AKAP17A: variants seen among roughly 807,000 people sequenced by gnomAD.
The protein encoded by AKAP17A is A-kinase anchoring protein 17A.
A neutral mutation model predicts 52.2 loss-of-function variants in AKAP17A; 15 were observed. That is an observed-to-expected ratio of 0.29 (90% CI 0.19 to 0.44). AKAP17A has a LOEUF of 0.44. Ranked by LOEUF, AKAP17A falls within the 20% of genes least tolerant of loss-of-function variation. AKAP17A has a pLI of 1.00. For missense variants in AKAP17A, 1,060 were observed against 1,007.0 expected (o/e 1.05, Z -0.71); for synonymous variants, 514 against 424.7 (o/e 1.21, Z -2.58).
chrX:1,598,148 T>C (rs1933115888), intron 3 of AKAP17A, among the ~76,000 whole-genome samples: 1 of 152,176 alleles, frequency 6.6e-6, no homozygotes, highest in African/African-American at 2.4e-5. Context: ...AAGGGCGTGC[T>C]GTGTGCTGGG....
intron 2 of AKAP17A, 79 bp from the exon 3 acceptor site, chrX:1,595,305 C>T (rs369707060): frequency 4.2e-5 from 67 of 1,586,940 alleles, no homozygotes; most frequent in East Asian, 9.0e-5. Flanking sequence ...CTCGGCCCTA[C>T]GGCCCAGGAG....
chrX:1,595,525 G>A lies in AKAP17A; in HGVS notation c.904G>A (p.Glu302Lys). The A allele has an allele frequency of 6.2e-7, 1 of 1,613,890 alleles. No homozygotes were observed. The highest frequency in any genetic ancestry group is 8.5e-7 in the Non-Finnish European group (1 of 1,179,874). Residue 302 changes from glutamate (E) to lysine (K), a missense_variant, in exon 3 of 5, where the codon GAG (glutamate) becomes AAG (lysine). By Grantham distance (56) the Glu-to-Lys change is moderately conservative (BLOSUM62 1). Around this residue, in one of 2 missense-constraint regions of AKAP17A, gnomAD observed 793 missense variants for 629.9 expected, o/e 1.26. Coordinates refer to ENST00000313871, the MANE Select transcript of AKAP17A (RefSeq NM_005088.3). ...GGAAGCGGAGGAGAGGCAGCGAGCG[G>A]AGGAAAGGTACCTTCTGCGGGAGCG... ...EKEAEERQRAEERKQKELEEL... is the reference protein window; with the variant it reads ...EKEAEERQRAKERKQKELEEL...
chrX:1,596,205 G>A (rs1281676816), intron 3 of AKAP17A, among the ~76,000 whole-genome samples: 1 of 142,664 alleles, frequency 7.0e-6, no homozygotes, highest in Admixed American at 7.2e-5. Flanking sequence ...GAAGTAGAGG[G>A]TTGATGGTGA....
At position 1,594,179 on chromosome X, in the gene AKAP17A, C is replaced by G. The variant is rs148212090; in HGVS notation, c.717C>G (p.Leu239=). ...QAMSALRGMK[L]MYKGEDGKAV... ...TGAGCGCCCTGCGCGGGATGAAACT[C>G]ATGTACAAGGGCGAGGACGGCAAGG... The change falls in exon 2 of 5, where the codon CTC becomes CTG. Residue 239 remains leucine, a synonymous_variant. Coordinates refer to ENST00000313871, the MANE Select transcript of AKAP17A (RefSeq NM_005088.3). 1 of 1,587,860 alleles carries G rather than the reference C, an allele frequency of 6.3e-7. No homozygotes were observed. The highest frequency in any genetic ancestry group is 1.3e-5 in the African/African-American group (1 of 74,134).
At chrX:1,591,822 G>A (rs1447451020) in intron 1 of AKAP17A, 53 bp downstream of exon 1, 1 of 149,934 alleles carries the variant, frequency 6.7e-6, no homozygotes, top group East Asian at 2.0e-4. Context: ...CGAACGCTTC[G>A]CTCCTAGGGC....
chrX:1,595,748 C>G (rs186106213), intron 3 of AKAP17A, among the ~76,000 whole-genome samples: 1 of 151,478 alleles, frequency 6.6e-6, no homozygotes, highest in African/African-American at 2.4e-5. Context: ...TGTGCCTGAG[C>G]ATCTGTGTGC....
chrX:1,595,040 C>G (rs1402523478), intron 2 of AKAP17A, among the ~76,000 whole-genome samples: 3 of 152,170 alleles, frequency 2.0e-5, no homozygotes, highest in African/African-American at 7.2e-5. Flanking sequence ...TGACTGTGGC[C>G]ACAGGGAATG....
At chrX:1,598,345 G>A (rs1477198984) in intron 3 of AKAP17A, among the ~76,000 whole-genome samples, 28 of 152,104 alleles carry the variant, frequency 1.8e-4, no homozygotes, top group Non-Finnish European at 3.5e-4. Flanking sequence ...CTTTTCTCCC[G>A]GCCTGCTCCT....
chrX:1,593,935 G>C lies in AKAP17A; in HGVS notation c.473G>C (p.Trp158Ser). 6.2e-7 allele frequency: 1 copy of C among 1,609,988 alleles called. No homozygotes were observed. Residue 158 changes from tryptophan (W) to serine (S), a missense_variant, in exon 2 of 5, where the codon TGG becomes TCG. By Grantham distance (177) the Trp-to-Ser change is radical. This residue lies in a region of AKAP17A where 267 missense variants were observed against 377.1 expected (regional missense o/e 0.71). Coordinates refer to ENST00000313871, the MANE Select transcript of AKAP17A (RefSeq NM_005088.3). ...TIHLEGLPCK[W>S]FALKESGSEK... ...CACCTGGAGGGGCTGCCCTGCAAGTGGTTCGCCCTGAAGGAGTCGGGCTCC... is the reference window on the plus strand; with the variant it reads ...CACCTGGAGGGGCTGCCCTGCAAGTCGTTCGCCCTGAAGGAGTCGGGCTCC...
In AKAP17A at chrX:1,601,326, G is replaced by A; in HGVS notation, c.1820G>A (p.Arg607Lys). 6.2e-7 allele frequency: 1 copy of A among 1,601,936 alleles called. No homozygotes were observed. The highest frequency in any genetic ancestry group is 8.5e-7 in the Non-Finnish European group (1 of 1,176,190). The change falls in exon 5 of 5, where the codon AGG becomes AAG. Residue 607 changes from arginine to lysine, a missense_variant. By Grantham distance (26) the Arg-to-Lys change is conservative. Coordinates refer to ENST00000313871, the MANE Select transcript of AKAP17A (RefSeq NM_005088.3). ...DRHKRERSRARRASSREDGRP... is the reference protein window; with the variant it reads ...DRHKRERSRAKRASSREDGRP... ...CACAAGCGGGAGAGGAGCCGGGCCA[G>A]GCGGGCCAGCAGCAGGGAGGACGGG...
At chrX:1,595,964 A>G (rs112074038) in intron 3 of AKAP17A, among the ~76,000 whole-genome samples, 4,035 of 152,212 alleles carry the variant, frequency 0.027, 187 homozygotes, top group African/African-American at 0.093. Flanking sequence ...TCAGCTGTGC[A>G]CGTGAGGACC....
In AKAP17A at chrX:1,595,506, G is replaced by T; in HGVS notation, c.885G>T (p.Ala295=). 6.2e-7 allele frequency: 1 copy of T among 1,613,932 alleles called. No individual in the cohort carries two copies. Among genetic ancestry groups the T allele is most frequent in the Non-Finnish European group, 8.5e-7 (1 of 1,179,848 alleles). ...REEQKRREKE[A]EERQRAEERK... ...AACAAAAGCGCAGAGAGAAGGAAGCGGAGGAGAGGCAGCGAGCGGAGGAAA... is the reference window on the plus strand; with the variant it reads ...AACAAAAGCGCAGAGAGAAGGAAGCTGAGGAGAGGCAGCGAGCGGAGGAAA... Residue 295 remains alanine, a synonymous_variant, in exon 3 of 5, where the codon GCG becomes GCT. Coordinates refer to ENST00000313871, the MANE Select transcript of AKAP17A (RefSeq NM_005088.3).
rs1484148804 is a variant in AKAP17A at position 1,599,423 on chromosome X, C to T, written c.1143C>T (p.Ser381=). ...TCCGGCTCATCGCCGAGCTGCTCAG[C>T]AGAGCCAAGGTACCCGGGGGCTCCC... ...QSIRLIAELL[S]RAKAVKLREQ... Residue 381 remains serine, a synonymous_variant, in exon 4 of 5, where the codon AGC becomes AGT. Coordinates refer to ENST00000313871, the MANE Select transcript of AKAP17A (RefSeq NM_005088.3). 4 of 1,563,036 alleles carry T rather than the reference C, an allele frequency of 2.6e-6. No homozygotes were observed. Among genetic ancestry groups the T allele is most frequent in the Non-Finnish European group, 3.5e-6 (4 of 1,154,876 alleles).
chrX:1,601,723 C>T lies in AKAP17A; in HGVS notation c.*129C>T, dbSNP rs1166591634. 8.0e-5 allele frequency: 65 copies of T among 814,082 alleles called. No homozygotes were observed. Among genetic ancestry groups the T allele is most frequent in the South Asian group, 1.5e-4 (4 of 27,350 alleles). The allele number at this position is 814,082 out of a possible 1,614,324, so 50.4% of individuals were successfully genotyped here. A position where few individuals can be genotyped will look rare whatever the true frequency, so the allele number is the denominator to read the frequency against. ...ACCCTTCTGCAGCCACGAATGTCCA[C>T]GGAGCCCGCCGGCAGGAAGGAAGAC... On this transcript the variant is annotated 3_prime_UTR_variant, in exon 5 of 5. Coordinates refer to ENST00000313871, the MANE Select transcript of AKAP17A (RefSeq NM_005088.3).
At chrX:1,597,122 C>T (rs1322210727) in intron 3 of AKAP17A, among the ~76,000 whole-genome samples, 6 of 152,312 alleles carry the variant, frequency 3.9e-5, no homozygotes, top group Middle Eastern at 3.4e-3. Context: ...CTTTATGTGA[C>T]GCTGGTGCCA....
intron 3 of AKAP17A, among the ~76,000 whole-genome samples, chrX:1,596,241 AAAC>A (rs1264176320): frequency 9.2e-5 from 14 of 151,422 alleles, no homozygotes; most frequent in Non-Finnish European, 8.8e-5. Flanking sequence ...AAAAAAAAAA[AAAC>A]AAAAAACCAA....
intron 1 of AKAP17A, among the ~76,000 whole-genome samples, chrX:1,592,274 C>G (rs1293576764): frequency 6.6e-6 from 1 of 151,566 alleles, no homozygotes; most frequent in Non-Finnish European, 1.5e-5. Context: ...CTGAGGGTAC[C>G]GAGTGGCCAA....
At position 1,600,279 on chromosome X, in the gene AKAP17A, G is replaced by A. The variant is rs1306905310; in HGVS notation, c.1153-380G>A. ...AGCTACGGCGGTGGCATGCGTCTGC[G>A]GCGTCATCTCAGCTCCCTGTTGCTG... On this transcript the variant is annotated intron_variant, in intron 4 of 4. Coordinates refer to ENST00000313871, the MANE Select transcript of AKAP17A (RefSeq NM_005088.3). The A allele has an allele frequency of 2.6e-5, 28 of 1,083,620 alleles. 1 individual carries two copies. In the East Asian group the frequency reaches 4.7e-4, roughly 18 times the overall value. The allele number at this position is 1,083,620 out of a possible 1,614,324, so 67.1% of individuals were successfully genotyped here. A position where few individuals can be genotyped will look rare whatever the true frequency, so the allele number is the denominator to read the frequency against.
At position 1,593,375 on chromosome X, in the gene AKAP17A, C is replaced by T. The variant is rs1349945798; in HGVS notation, c.-19-69C>T. On this transcript the variant is annotated intron_variant, in intron 1 of 4. Transcript: ENST00000313871. ...TCCGGGTCCAGAAAGTGCCTGCTGG[C>T]TTGGCCCCTCCTCATTGGCGGGGGA... The T allele has an allele frequency of 4.0e-6, 6 of 1,500,358 alleles. No individual in the cohort carries two copies. In the African/African-American group the frequency reaches 5.5e-5, roughly 14 times the overall value. 92.9% of individuals were successfully genotyped at this position (1,500,358 alleles called of 1,614,324 possible).
Sources: allele counts gnomAD v4.1 joint callset (sites outside exome capture counted in the v4.1 genomes callset), GRCh38; gene constraint gnomAD v4.1.1; regional missense constraint gnomAD v4.1.1; transcripts MANE v1.5; gene names NCBI Gene and HGNC (gene_info 2026-07-23, HGNC 2026-07-21).